ZNF66: variants seen among roughly 807,000 people sequenced by gnomAD.
ZNF66 encodes putative zinc finger protein 66.
A neutral mutation model predicts 35.2 loss-of-function variants in ZNF66; 32 were observed. The observed-to-expected ratio is 0.91, with a 90% confidence interval of 0.69 to 1.22. ZNF66 has a LOEUF of 1.22. Among genes scored for constraint, ZNF66 ranks in the 50% most tolerant of loss-of-function variants. The pLI is 0.00. For synonymous variants in ZNF66, 231 were observed against 181.3 expected (o/e 1.27, Z -2.20); for missense variants, 666 against 543.1 (o/e 1.23, Z -2.25).
In ZNF66 at chr19:20,807,166, T is replaced by C. The variant is rs768751770; in HGVS notation, c.1566T>C (p.Ser522=). ...EECGKDFKYS[S]TLTRHKKIHT... is the part of the protein sequence containing the mutation. ...GTGGCAAAGACTTTAAGTACTCCTCTACCCTTACTAGACATAAGAAAATTC... is the reference window on the plus strand; with the variant it reads ...GTGGCAAAGACTTTAAGTACTCCTCCACCCTTACTAGACATAAGAAAATTC... The change falls in exon 4 of 4, where the codon TCT becomes TCC. Residue 522 remains serine, a synonymous_variant. Coordinates refer to ENST00000344519, the MANE Select transcript of ZNF66 (RefSeq NM_001355197.2). The C allele has an allele frequency of 3.2e-6, 2 of 619,822 alleles. No homozygotes were observed. Among genetic ancestry groups the C allele is most frequent in the Non-Finnish European group, 6.0e-6 (2 of 335,266 alleles). 38.4% of individuals were successfully genotyped at this position (619,822 alleles called of 1,614,324 possible).
Position 20,798,244 on chromosome 19 carries a change from T to TA in ZNF66, c.226+4373dup, listed in dbSNP as rs4026025. On this transcript the variant is annotated intron_variant, in intron 3 of 3. Coordinates refer to ENST00000344519, the MANE Select transcript of ZNF66 (RefSeq NM_001355197.2). ...TGTAATTTTTTTTTCAGTTTTTCTT[T>TA]AAAAAAATTGTTTTAAAAACACATA... is the stretch of plus-strand genomic sequence containing the variant. Among the ~76,000 whole-genome samples the TA allele has an allele frequency of 1.8e-3, 273 of 152,080 alleles. 2 individuals carry two copies. The highest frequency in any genetic ancestry group is 6.0e-3 in the African/African-American group (250 of 41,498).
chr19:20,806,913 CTA>C lies in ZNF66; in HGVS notation c.1315_1316del (p.Ile439SerfsTer5). On this transcript the variant is annotated frameshift_variant, in exon 4 of 4. Coordinates refer to ENST00000344519, the MANE Select transcript of ZNF66 (RefSeq NM_001355197.2). LOFTEE classifies it high-confidence loss of function. ...TGTGGCAAAGCCTTCAGTCGGTCCT[CTA>C]TTCTTACTACACATAAGATAATTCA... 1 of 1,233,298 alleles carries C rather than the reference CTA, an allele frequency of 8.1e-7. No homozygotes were observed. The highest frequency in any genetic ancestry group is 1.2e-6 in the Non-Finnish European group (1 of 834,416). 76.4% of individuals were successfully genotyped at this position (1,233,298 alleles called of 1,614,324 possible).
Position 20,806,977 on chromosome 19 carries a change from C to T in ZNF66, c.1377C>T (p.Gly459=), listed in dbSNP as rs769251817. The T allele has an allele frequency of 9.4e-7, 1 of 1,062,828 alleles. No homozygotes were observed. Among genetic ancestry groups the T allele is most frequent in the Non-Finnish European group, 1.5e-6 (1 of 679,608 alleles). The allele number at this position is 1,062,828 out of a possible 1,614,324, so 65.8% of individuals were successfully genotyped here. A position where few individuals can be genotyped will look rare whatever the true frequency, so the allele number is the denominator to read the frequency against. Residue 459 remains glycine (G), a synonymous_variant, in exon 4 of 4, where the codon GGC becomes GGT. Transcript: ENST00000344519. ...AACCCTACGAATGTGAAGACTGTGG[C>T]AAAGCCTTTAACCGCTCCTCTAACC... is the stretch of plus-strand genomic sequence containing the variant. The part of the protein sequence containing the change: ...GEKPYECEDC[G]KAFNRSSNLT...
chr19:20,804,970 C>T (rs772180044), intron 3 of ZNF66, among the ~76,000 whole-genome samples: 13 of 152,084 alleles, frequency 8.5e-5, no homozygotes, highest in African/African-American at 1.9e-4. Flanking sequence ...CAACTTATAT[C>T]GTCATTTCCT....
intron 1 of ZNF66, among the ~76,000 whole-genome samples, chr19:20,777,620 A>T (rs1033094948): frequency 2.1e-4 from 31 of 150,280 alleles, no homozygotes; most frequent in East Asian, 1.4e-3. Context: ...TTCCTCAATT[A>T]ATTATTATTA....
chr19:20,776,349 C>CTT lies in ZNF66; in HGVS notation c.-98_-97insTT. 1 of 1,487,392 alleles carries CTT rather than the reference C, an allele frequency of 6.7e-7. No individual in the cohort carries two copies. 92.1% of individuals were successfully genotyped at this position (1,487,392 alleles called of 1,614,324 possible). On this transcript the variant is annotated 5_prime_UTR_variant, in exon 1 of 4. Transcript: ENST00000344519. ...CTCCAGGTCGTCTGTTCACTGCTCT[C>CTT]TGTCTTCTTCTCCTAGAGGCCCAGC... is the stretch of plus-strand genomic sequence containing the variant.
intron 3 of ZNF66, among the ~76,000 whole-genome samples, chr19:20,797,570 T>G (rs1464521392): frequency 7.0e-6 from 1 of 141,990 alleles, no homozygotes; most frequent in African/African-American, 2.6e-5. Flanking sequence ...TCAGTGTAGG[T>G]TTTTTTTTTT....
chr19:20,776,870 G>C (rs1415716906), intron 1 of ZNF66, among the ~76,000 whole-genome samples: 1 of 152,066 alleles, frequency 6.6e-6, no homozygotes, highest in Admixed American at 6.6e-5. Flanking sequence ...ATCCCCGCAC[G>C]TTGGGAGGCC....
chr19:20,783,693 A>G (rs140399491), intron 1 of ZNF66, among the ~76,000 whole-genome samples: 333 of 152,336 alleles, frequency 2.2e-3, no homozygotes, highest in Non-Finnish European at 3.8e-3. Flanking sequence ...TAATTATCCA[A>G]TATTTGCAGG....
At chr19:20,787,186 T>A (rs1472510565) in intron 1 of ZNF66, among the ~76,000 whole-genome samples, 3 of 152,234 alleles carry the variant, frequency 2.0e-5, no homozygotes, top group African/African-American at 7.2e-5. Flanking sequence ...CCTCTGTTGT[T>A]GTCTTTACAA....
chr19:20,792,743 C>G, intron 2 of ZNF66, 105 bp downstream of exon 2: 1 of 716,790 alleles, frequency 1.4e-6, no homozygotes, highest in Non-Finnish European at 2.1e-6. Flanking sequence ...AGTTTCAGAT[C>G]CAGTTTTTCA....
In ZNF66 at chr19:20,809,334, A is replaced by G. The variant is rs1442511411; in HGVS notation, c.*2012A>G. Among the ~76,000 whole-genome samples, 2 of 152,028 alleles carry G rather than the reference A, an allele frequency of 1.3e-5. No individual in the cohort carries two copies. The highest frequency in any genetic ancestry group is 2.4e-5 in the African/African-American group (1 of 41,404). ...AGATTCAGGAAATACAGAGAACGCCACAAAGATACTCCTTGAGAAGAGCAA... is the reference window on the plus strand; with the variant it reads ...AGATTCAGGAAATACAGAGAACGCCGCAAAGATACTCCTTGAGAAGAGCAA... On this transcript the variant is annotated 3_prime_UTR_variant, in exon 4 of 4. Transcript: ENST00000344519.
intron 1 of ZNF66, among the ~76,000 whole-genome samples, chr19:20,789,681 A>G (rs1044480987): frequency 1.6e-4 from 25 of 152,176 alleles, no homozygotes; most frequent in African/African-American, 6.0e-4. Context: ...TTTAAAAAAA[A>G]TTGATGACAG....
At chr19:20,795,852 G>T (rs1284948576) in intron 3 of ZNF66, among the ~76,000 whole-genome samples, 1 of 152,142 alleles carries the variant, frequency 6.6e-6, no homozygotes, top group Non-Finnish European at 1.5e-5. Context: ...GACTCTGACT[G>T]GGAGGAGTTT....
At chr19:20,785,379 G>A (rs1474215080) in intron 1 of ZNF66, among the ~76,000 whole-genome samples, 1 of 152,206 alleles carries the variant, frequency 6.6e-6, no homozygotes, top group Non-Finnish European at 1.5e-5. Context: ...CATTTTTGTA[G>A]CAGAGTGAAA....
Position 20,806,625 on chromosome 19 carries a change from A to G in ZNF66, c.1025A>G (p.Lys342Arg), listed in dbSNP as rs575636011. The change falls in exon 4 of 4, where the codon AAA (lysine) becomes AGA (arginine). Residue 342 changes from lysine (K) to arginine (R), a missense_variant. Lys to Arg is a conservative substitution (Grantham distance 26). Coordinates refer to ENST00000344519, the MANE Select transcript of ZNF66 (RefSeq NM_001355197.2). ...ATTCATACTGGAGAGAAACCCTACAAATGTGAAGAATGTGGCAAAGGCTTT... is the reference window on the plus strand; with the variant it reads ...ATTCATACTGGAGAGAAACCCTACAGATGTGAAGAATGTGGCAAAGGCTTT... ...KRIHTGEKPY[K>R]CEECGKGFKY... The G allele has an allele frequency of 1.9e-6, 3 of 1,581,976 alleles. No homozygotes were observed. The highest frequency in any genetic ancestry group is 1.3e-5 in the African/African-American group (1 of 74,356).
rs753773886 is a variant in ZNF66 at position 20,806,933 on chromosome 19, A to G, written c.1333A>G (p.Ile445Val). ...GTCCTCTATTCTTACTACACATAAG[A>G]TAATTCACACTGGAGAGAAACCCTA... Reference protein sequence around the residue: ...SRSSILTTHKIIHTGEKPYEC... With the variant: ...SRSSILTTHKVIHTGEKPYEC... Residue 445 changes from isoleucine (I) to valine (V), a missense_variant, in exon 4 of 4, where the codon ATA becomes GTA. By Grantham distance (29) the Ile-to-Val change is conservative. Coordinates refer to ENST00000344519, the MANE Select transcript of ZNF66 (RefSeq NM_001355197.2). The G allele has an allele frequency of 2.5e-6, 3 of 1,189,846 alleles. No homozygotes were observed. The highest frequency in any genetic ancestry group is 1.7e-5 in the Admixed American group (1 of 59,318). 73.7% of individuals were successfully genotyped at this position (1,189,846 alleles called of 1,614,324 possible).
Position 20,798,115 on chromosome 19 carries a change from A to T in ZNF66, c.226+4237A>T, listed in dbSNP as rs186293439. Among the ~76,000 whole-genome samples, 7 of 152,170 alleles carry T rather than the reference A, an allele frequency of 4.6e-5. No individual in the cohort carries two copies. In the East Asian group the frequency reaches 1.4e-3, roughly 29 times the overall value. On this transcript the variant is annotated intron_variant, in intron 3 of 3. Coordinates refer to ENST00000344519, the MANE Select transcript of ZNF66 (RefSeq NM_001355197.2). ...GTAGTTTTATCTTGTCTAAGTAAGT[A>T]CTCATGGGGATAGTCTTATTTTACC...
intron 1 of ZNF66, among the ~76,000 whole-genome samples, chr19:20,782,490 A>G (rs1165292364): frequency 6.6e-6 from 1 of 152,240 alleles, no homozygotes; most frequent in African/African-American, 2.4e-5. Flanking sequence ...CACTCCCACC[A>G]GAAGAGTATA....
Sources: allele counts gnomAD v4.1 joint callset (sites outside exome capture counted in the v4.1 genomes callset), GRCh38; gene constraint gnomAD v4.1.1; transcripts MANE v1.5; gene names NCBI Gene and HGNC (gene_info 2026-07-23, HGNC 2026-07-21).